The following SLC39A11 variants were observed in gnomAD, a reference collection of about 807,000 sequenced individuals.
SLC39A11 encodes solute carrier family 39 member 11.
SLC39A11 carries 33 observed loss-of-function variants against 36.1 expected under a neutral mutation model. The ratio of observed to expected loss-of-function variants is 0.91; its 90% CI spans 0.69 to 1.22. The LOEUF is 1.22. Among genes scored for constraint, SLC39A11 ranks in the 50% most tolerant of loss-of-function variants. SLC39A11 has a pLI of 0.00. For synonymous variants in SLC39A11, 166 were observed against 170.3 expected (o/e 0.97, Z 0.20); for missense variants, 432 against 430.3 (o/e 1.00, Z -0.03).
intron 4 of SLC39A11, among the ~76,000 whole-genome samples, chr17:73,012,555 A>G (rs1271011673): frequency 1.3e-5 from 2 of 150,696 alleles, no homozygotes; most frequent in African/African-American, 4.9e-5. Flanking sequence ...TTTAACTTTT[A>G]TCTTAGAATC....
chr17:72,907,361 G>A (rs1040565992), intron 5 of SLC39A11, among the ~76,000 whole-genome samples: 7 of 152,110 alleles, frequency 4.6e-5, no homozygotes, highest in South Asian at 2.1e-4. Flanking sequence ...ACAGTGGCAC[G>A]TGCCTATAAT....
intron 5 of SLC39A11, among the ~76,000 whole-genome samples, chr17:72,941,546 T>C (rs1393389533): frequency 1.5e-5 from 2 of 129,210 alleles, no homozygotes; most frequent in Non-Finnish European, 3.2e-5. Flanking sequence ...GCTTAGAAAA[T>C]CAGGACTGTG....
intron 4 of SLC39A11, among the ~76,000 whole-genome samples, chr17:72,953,160 G>A (rs571146144): frequency 1.4e-4 from 22 of 151,990 alleles, no homozygotes; most frequent in East Asian, 9.7e-4. Context: ...CCAGGGCCAC[G>A]GAACTTGAGA....
At chr17:73,004,102 GAA>G (rs1265165341) in intron 4 of SLC39A11, among the ~76,000 whole-genome samples, 45 of 144,018 alleles carry the variant, frequency 3.1e-4, no homozygotes, top group Admixed American at 9.3e-4. Context: ...AAGGAAGAAA[GAA>G]AGAGAGAGAG....
Position 73,031,696 on chromosome 17 carries a change from A to G in SLC39A11, c.166T>C (p.Tyr56His). The change falls in exon 4 of 10, where the codon TAT (tyrosine) becomes CAT (histidine). Residue 56 changes from tyrosine to histidine, a missense_variant. Coordinates refer to ENST00000255559, the MANE Select transcript of SLC39A11 (RefSeq NM_139177.4). ...FAAGVMLAAS[Y>H]WSLLAPAVEM... ...ACTGCTGGGGCCAGAAGAGACCAAT[A>G]GGAAGCTGCCAACATGACCTACAAA... The G allele has an allele frequency of 3.1e-6, 5 of 1,613,900 alleles. No individual in the cohort carries two copies. The East Asian group carries it at 8.9e-5, about 29-fold the overall frequency.
At chr17:73,063,780 G>A (rs758804401) in intron 3 of SLC39A11, among the ~76,000 whole-genome samples, 13 of 152,122 alleles carry the variant, frequency 8.5e-5, no homozygotes, top group African/African-American at 2.7e-4. Flanking sequence ...GCAAGTGTTC[G>A]CTGCCATCAG....
At chr17:72,736,269 A>T (rs1055664756) in intron 7 of SLC39A11, among the ~76,000 whole-genome samples, 1 of 152,134 alleles carries the variant, frequency 6.6e-6, no homozygotes, top group African/African-American at 2.4e-5. Context: ...GAGAGAGGGA[A>T]ACGAAGGGAC....
intron 7 of SLC39A11, among the ~76,000 whole-genome samples, chr17:72,717,918 T>G (rs1598433531): frequency 6.6e-6 from 1 of 152,296 alleles, no homozygotes; most frequent in East Asian, 1.9e-4. Flanking sequence ...GTACCACCTG[T>G]CTGGAGTTTT....
intron 9 of SLC39A11, 61 bp from the exon 10 acceptor site, chr17:72,647,723 C>T: frequency 2.2e-6 from 3 of 1,334,338 alleles, no homozygotes; most frequent in South Asian, 1.2e-5. Flanking sequence ...CACGGCTAGG[C>T]TGAAGGCATC....
chr17:72,771,637 G>A (rs79854202), intron 6 of SLC39A11, among the ~76,000 whole-genome samples: 3,857 of 152,168 alleles, frequency 0.025, 65 homozygotes, highest in Non-Finnish European at 0.039. Flanking sequence ...GTGATAAAGT[G>A]CACAGGCTCA....
chr17:72,816,322 CTGT>C (rs1036271835), intron 6 of SLC39A11, among the ~76,000 whole-genome samples: 8 of 152,190 alleles, frequency 5.3e-5, no homozygotes, highest in East Asian at 1.9e-4. Flanking sequence ...TCAGAGAGTT[CTGT>C]TGTTGTTGTT....
intron 4 of SLC39A11, among the ~76,000 whole-genome samples, chr17:72,953,086 C>T (rs923321242): frequency 1.3e-5 from 2 of 152,170 alleles, no homozygotes; most frequent in African/African-American, 4.8e-5. Flanking sequence ...CCACTCCAAA[C>T]CCAGCTCAGT....
intron 4 of SLC39A11, among the ~76,000 whole-genome samples, chr17:72,981,846 AC>A (rs35605153): frequency 0.31 from 46,581 of 152,064 alleles, 7,740 homozygotes; most frequent in East Asian, 0.64. Flanking sequence ...GTTAGGAAAG[AC>A]CAACCATGGA....
At chr17:72,799,369 A>G (rs2077007503) in intron 6 of SLC39A11, among the ~76,000 whole-genome samples, 1 of 152,196 alleles carries the variant, frequency 6.6e-6, no homozygotes, top group Non-Finnish European at 1.5e-5. Flanking sequence ...GGCACCTTGA[A>G]AAAGAACAGA....
intron 6 of SLC39A11, among the ~76,000 whole-genome samples, chr17:72,824,363 C>T (rs1312691397): frequency 6.6e-6 from 1 of 151,314 alleles, no homozygotes; most frequent in East Asian, 1.9e-4. Flanking sequence ...GCTACCTGTA[C>T]AGCCTGCAGA....
chr17:72,701,768 A>T (rs1036178392), intron 7 of SLC39A11, among the ~76,000 whole-genome samples: 7 of 126,258 alleles, frequency 5.5e-5, no homozygotes, highest in African/African-American at 8.6e-5. Context: ...AGAAAGAAAG[A>T]GAAAGAAAAG....
At chr17:72,836,822 G>A (rs1015281130) in intron 6 of SLC39A11, among the ~76,000 whole-genome samples, 1 of 152,120 alleles carries the variant, frequency 6.6e-6, no homozygotes, top group South Asian at 2.1e-4. Context: ...ATGCCTTTGT[G>A]TGGTGTTCTG....
At position 72,829,273 on chromosome 17, in the gene SLC39A11, C is replaced by A. The variant is rs188009950; in HGVS notation, c.601+20361G>T. On this transcript the variant is annotated intron_variant, in intron 6 of 9. Coordinates refer to ENST00000255559, the MANE Select transcript of SLC39A11 (RefSeq NM_139177.4). ...TGAGGCAGCAGGAGGATCACTTGGG[C>A]CCAGGAGGTGGAGGTTGCAGTGAGC... Among the ~76,000 whole-genome samples, 166 of 151,832 alleles carry A rather than the reference C, an allele frequency of 1.1e-3. 1 individual carries two copies. The highest frequency in any genetic ancestry group is 3.5e-3 in the African/African-American group (143 of 41,398).
chr17:72,741,764 G>A (rs2074715569), intron 6 of SLC39A11, among the ~76,000 whole-genome samples: 1 of 152,134 alleles, frequency 6.6e-6, no homozygotes, highest in Non-Finnish European at 1.5e-5. Flanking sequence ...CTGAGTCCGA[G>A]GCCCAGGGTG....
Sources: allele counts gnomAD v4.1 joint callset (sites outside exome capture counted in the v4.1 genomes callset), GRCh38; gene constraint gnomAD v4.1.1; transcripts MANE v1.5; gene names NCBI Gene and HGNC (gene_info 2026-07-23, HGNC 2026-07-21).